The following WWOX variants were observed in gnomAD, a reference collection of about 807,000 sequenced individuals.
The protein encoded by WWOX is WW domain containing oxidoreductase, also known as WW domain-containing oxidoreductase.
Under a neutral mutation model 46.2 loss-of-function variants are expected in WWOX, and 69 were observed. That is an observed-to-expected ratio of 1.49 (90% confidence interval 1.23 to 1.82). The LOEUF is 1.82. Ranked by LOEUF, WWOX falls within the 40% of genes most tolerant of loss-of-function variation. The pLI is 0.00. For missense variants in WWOX, 919 were observed against 542.6 expected (o/e 1.69, Z -6.89); for synonymous variants, 359 against 202.6 (o/e 1.77, Z -6.56).
chr16:79,125,876 G>C (rs1165351161), intron 8 of WWOX, among the ~76,000 whole-genome samples: 1 of 152,208 alleles, frequency 6.6e-6, no homozygotes, highest in East Asian at 1.9e-4. Flanking sequence ...AATTATCAAA[G>C]ATTATCGTCG....
At chr16:78,796,854 C>G (rs1416510927) in intron 8 of WWOX, among the ~76,000 whole-genome samples, 1 of 143,226 alleles carries the variant, frequency 7.0e-6, no homozygotes, top group Non-Finnish European at 1.5e-5. Context: ...TAGCCATAGT[C>G]TCACTCTGTC....
At chr16:78,873,801 A>G (rs923790238) in intron 8 of WWOX, among the ~76,000 whole-genome samples, 1 of 152,116 alleles carries the variant, frequency 6.6e-6, no homozygotes, top group Non-Finnish European at 1.5e-5. Flanking sequence ...AGTAAATAAA[A>G]TAGTAAAATA....
At chr16:78,118,964 C>G (rs1365909957) in intron 4 of WWOX, 1 of 152,030 alleles carries the variant, frequency 6.6e-6, no homozygotes, top group Non-Finnish European at 1.5e-5. Context: ...GCTTTCTGAA[C>G]CTGAAGAACT....
intron 8 of WWOX, among the ~76,000 whole-genome samples, chr16:79,116,262 C>G (rs973942793): frequency 6.6e-6 from 1 of 152,112 alleles, no homozygotes; most frequent in Non-Finnish European, 1.5e-5. Flanking sequence ...AAGGATAAAG[C>G]TTGCTGCATG....
chr16:79,155,915 A>G (rs2050372892), intron 8 of WWOX, among the ~76,000 whole-genome samples: 1 of 151,884 alleles, frequency 6.6e-6, no homozygotes, highest in African/African-American at 2.4e-5. Context: ...TAATCTAGGT[A>G]CAAGTCTCTC....
At chr16:79,150,939 T>C (rs1218969963) in intron 8 of WWOX, among the ~76,000 whole-genome samples, 1 of 152,152 alleles carries the variant, frequency 6.6e-6, no homozygotes, top group African/African-American at 2.4e-5. Flanking sequence ...GTAGAAGACT[T>C]TTTCAGCCTA....
chr16:78,157,908 C>A (rs1250603822), intron 4 of WWOX, among the ~76,000 whole-genome samples: 1 of 152,218 alleles, frequency 6.6e-6, no homozygotes, highest in Non-Finnish European at 1.5e-5. Context: ...TTGCAAAAAG[C>A]AGGCAACTAA....
intron 8 of WWOX, among the ~76,000 whole-genome samples, chr16:79,208,553 C>T (rs1435294951): frequency 1.3e-5 from 2 of 152,042 alleles, no homozygotes; most frequent in African/African-American, 2.4e-5. Context: ...GCTCTTTCAT[C>T]TTTTCTGCAT....
chr16:78,491,301 T>C (rs541868961), intron 8 of WWOX, among the ~76,000 whole-genome samples: 1 of 152,278 alleles, frequency 6.6e-6, no homozygotes, highest in South Asian at 2.1e-4. Flanking sequence ...GGTCATCTTT[T>C]CCCCTGGATG....
intron 8 of WWOX, among the ~76,000 whole-genome samples, chr16:78,807,420 T>A (rs2051071336): frequency 6.6e-6 from 1 of 152,244 alleles, no homozygotes; most frequent in African/African-American, 2.4e-5. Context: ...TGATGTTTTA[T>A]GATTGTTTTA....
chr16:78,997,622 A>G lies in WWOX; in HGVS notation c.1057-213986A>G, dbSNP rs2047015936. 2.6e-5 allele frequency among the ~76,000 whole-genome samples: 4 copies of G among 152,094 alleles called. No homozygotes were observed. In the South Asian group the frequency reaches 6.2e-4, roughly 24 times the overall value. On this transcript the variant is annotated intron_variant, in intron 8 of 8. Transcript: ENST00000566780. ...CTGATCATGCCAAGAAACCTAATGT[A>G]TGGTGAATTTGCACTAGTATTTATT...
At chr16:78,819,562 C>T (rs1567582508) in intron 8 of WWOX, among the ~76,000 whole-genome samples, 1 of 152,150 alleles carries the variant, frequency 6.6e-6, no homozygotes, top group African/African-American at 2.4e-5. Context: ...TCGGAATTGC[C>T]ACTGTGGGTA....
chr16:78,798,566 C>G (rs934760174), intron 8 of WWOX, among the ~76,000 whole-genome samples: 2 of 149,014 alleles, frequency 1.3e-5, no homozygotes, highest in African/African-American at 4.9e-5. Flanking sequence ...ATATTCCTCC[C>G]TCCCCCCAAG....
intron 8 of WWOX, among the ~76,000 whole-genome samples, chr16:78,965,673 C>T (rs190679119): frequency 1.3e-5 from 2 of 152,214 alleles, no homozygotes; most frequent in East Asian, 3.9e-4. Flanking sequence ...TGTTACTCAA[C>T]CCAGTTCTGT....
chr16:79,089,596 C>G lies in WWOX; in HGVS notation c.1057-122012C>G, dbSNP rs1049001313. On this transcript the variant is annotated intron_variant, in intron 8 of 8. Coordinates refer to ENST00000566780, the MANE Select transcript of WWOX (RefSeq NM_016373.4). ...CTGCCCGCCTCAAAGTCCCAACGTG[C>G]TGGGATTACAGGCATGAGCCACCAC... Among the ~76,000 whole-genome samples the G allele has an allele frequency of 4.6e-5, 7 of 152,174 alleles. 1 individual carries two copies. Among genetic ancestry groups the G allele is most frequent in the Non-Finnish European group, 1.0e-4 (7 of 68,032 alleles).
At chr16:78,313,075 A>C (rs1269067514) in intron 5 of WWOX, among the ~76,000 whole-genome samples, 3 of 152,170 alleles carry the variant, frequency 2.0e-5, no homozygotes, top group Non-Finnish European at 4.4e-5. Context: ...TTCTTTTTCA[A>C]CATCTGAGTA....
At chr16:78,554,720 T>C (rs983403328) in intron 8 of WWOX, among the ~76,000 whole-genome samples, 1 of 152,102 alleles carries the variant, frequency 6.6e-6, no homozygotes, top group Non-Finnish European at 1.5e-5. Flanking sequence ...CAGCCTTCCA[T>C]TCAGGGCACG....
At chr16:79,082,607 G>C (rs6564644) in intron 8 of WWOX, among the ~76,000 whole-genome samples, 103,250 of 151,992 alleles carry the variant, frequency 0.68, 36,429 homozygotes, top group African/African-American at 0.88. Flanking sequence ...CCAGAAAGTC[G>C]CGAGTGTTTT....
intron 8 of WWOX, among the ~76,000 whole-genome samples, chr16:78,582,644 G>A (rs2045089386): frequency 6.6e-6 from 1 of 152,140 alleles, no homozygotes; most frequent in African/African-American, 2.4e-5. Context: ...ACCTTAGCCC[G>A]ATACCTCTAT....
Sources: gnomAD v4.1 joint callset for allele counts (sites outside exome capture counted in the v4.1 genomes callset) on GRCh38, gnomAD v4.1.1 for gene constraint, MANE v1.5 for transcripts, NCBI Gene and HGNC (gene_info 2026-07-23, HGNC 2026-07-21) for gene names.